Variants in SDC4 observed in about 807,000 individuals in gnomAD.
The protein encoded by SDC4 is syndecan 4, also known as syndecan-4.
SDC4 carries 17 observed loss-of-function variants against 20.5 expected under a neutral mutation model. The observed-to-expected ratio is 0.83, with a 90% confidence interval of 0.57 to 1.25. SDC4 has a LOEUF of 1.25. SDC4 is among the 50% of genes most tolerant of loss of function. The probability of loss-of-function intolerance (pLI) is 0.00; values close to 1 mark genes in which losing one functional copy is unlikely to be tolerated. For synonymous variants in SDC4, 107 were observed against 105.3 expected (o/e 1.02, Z -0.10); for missense variants, 241 against 252.3 (o/e 0.96, Z 0.30).
At chr20:45,343,902 G>A (rs1987992627) in intron 1 of SDC4, among the ~76,000 whole-genome samples, 1 of 152,250 alleles carries the variant, frequency 6.6e-6, no homozygotes, top group Admixed American at 6.5e-5. Flanking sequence ...TAACAGACCA[G>A]GAGGCTGGGG....
At chr20:45,332,288 T>C (rs1424578103) in intron 3 of SDC4, among the ~76,000 whole-genome samples, 2 of 151,942 alleles carry the variant, frequency 1.3e-5, no homozygotes, top group Non-Finnish European at 2.9e-5. Context: ...CCCAATCAAG[T>C]AGCTGGGACT....
At position 45,325,878 on chromosome 20, in the gene SDC4, T is replaced by C. The variant is rs1303322454; in HGVS notation, c.*1386A>G. Reference sequence around the variant, plus strand: ...AGCCGCATGTGGTTACTGTATTGGATAGCACAGCCCTAGAGCCTGAAGAAA... The same window carrying C: ...AGCCGCATGTGGTTACTGTATTGGACAGCACAGCCCTAGAGCCTGAAGAAA... On this transcript the variant is annotated 3_prime_UTR_variant, in exon 5 of 5. Transcript: ENST00000372733. 2 of 152,570 alleles carry C rather than the reference T, an allele frequency of 1.3e-5. No individual in the cohort carries two copies. Among genetic ancestry groups the C allele is most frequent in the African/African-American group, 2.4e-5 (1 of 41,406 alleles). The allele number at this position is 152,570 out of a possible 1,614,324, so 9.5% of individuals were successfully genotyped here.
intron 1 of SDC4, among the ~76,000 whole-genome samples, chr20:45,344,587 C>A (rs890615911): frequency 3.9e-5 from 6 of 152,224 alleles, no homozygotes; most frequent in Non-Finnish European, 8.8e-5. Flanking sequence ...AGCCTGGCTT[C>A]CCCAGCTCCT....
chr20:45,338,125 A>ATTCT (rs1307759739), intron 1 of SDC4, among the ~76,000 whole-genome samples: 2 of 152,178 alleles, frequency 1.3e-5, no homozygotes. Context: ...GACAGGCCTT[A>ATTCT]ACCAAGCACA....
chr20:45,328,926 C>G (rs1007336299), intron 4 of SDC4, among the ~76,000 whole-genome samples: 2 of 152,202 alleles, frequency 1.3e-5, no homozygotes, highest in Non-Finnish European at 2.9e-5. Flanking sequence ...CCAGTTCCTC[C>G]ACGAGGCCCT....
rs529812227 is a variant in SDC4, at chr20:45,335,962, G to A, written c.61-42C>T. The A allele has an allele frequency of 2.5e-6, 4 of 1,593,710 alleles. No individual in the cohort carries two copies. The South Asian group carries it at 4.4e-5, about 18-fold the overall frequency. Reference sequence around the variant, plus strand: ...AGACACATCAGCCAACATCCCCAGTGCTCCATGACAGCTGATGCCCAAAAG... The same window carrying A: ...AGACACATCAGCCAACATCCCCAGTACTCCATGACAGCTGATGCCCAAAAG... On this transcript the variant is annotated intron_variant, in intron 1 of 4. Coordinates refer to ENST00000372733, the MANE Select transcript of SDC4 (RefSeq NM_002999.4).
chr20:45,333,904 A>T (rs1987819736), intron 2 of SDC4, among the ~76,000 whole-genome samples: 1 of 152,054 alleles, frequency 6.6e-6, no homozygotes, highest in African/African-American at 2.4e-5. Context: ...ATTAAAGCTA[A>T]TATTTCACTT....
chr20:45,346,459 C>T (rs1339727154), intron 1 of SDC4, among the ~76,000 whole-genome samples: 1 of 152,224 alleles, frequency 6.6e-6, no homozygotes, highest in African/African-American at 2.4e-5. Flanking sequence ...CAAACTACAT[C>T]CTTCAGAATG....
intron 3 of SDC4, among the ~76,000 whole-genome samples, chr20:45,331,527 G>C (rs181230878): frequency 4.6e-5 from 7 of 152,204 alleles, no homozygotes; most frequent in South Asian, 2.1e-4. Flanking sequence ...AGCATCCTAC[G>C]TAACAGAATG....
At position 45,337,061 on chromosome 20, in the gene SDC4, A is replaced by G. The variant is rs6032123; in HGVS notation, c.61-1141T>C. 6.3e-3 allele frequency among the ~76,000 whole-genome samples: 954 copies of G among 152,234 alleles called. 8 individuals are homozygous for G. The highest frequency in any genetic ancestry group is 0.022 in the African/African-American group (909 of 41,546). On this transcript the variant is annotated intron_variant, in intron 1 of 4. Transcript: ENST00000372733. ...TCCACTCCCACCAAACCGCTTGCCAAAAGAAAGTGTCAAAGGTCCCGGGCA... is the reference window on the plus strand; with the variant it reads ...TCCACTCCCACCAAACCGCTTGCCAGAAGAAAGTGTCAAAGGTCCCGGGCA...
intron 2 of SDC4, among the ~76,000 whole-genome samples, chr20:45,333,527 C>T (rs532836721): frequency 5.9e-5 from 9 of 152,194 alleles, no homozygotes; most frequent in African/African-American, 1.9e-4. Context: ...AAATTATCCA[C>T]GGGTGATGGC....
intron 1 of SDC4, among the ~76,000 whole-genome samples, chr20:45,344,300 C>G (rs1385143045): frequency 4.8e-5 from 7 of 144,886 alleles, no homozygotes; most frequent in Admixed American, 2.8e-4. Context: ...TCCCCTCGAG[C>G]CCCGGACACT....
chr20:45,332,951 A>C lies in SDC4; in HGVS notation c.246+72T>G, dbSNP rs1312878082. ...CACTTATTCTGCCTATGGGGGCTGT[A>C]TTTTCTGCCTCTCCCAATAGGTCTG... On this transcript the variant is annotated intron_variant, in intron 3 of 4. Coordinates refer to ENST00000372733, the MANE Select transcript of SDC4 (RefSeq NM_002999.4). 21 of 1,425,804 alleles carry C rather than the reference A, an allele frequency of 1.5e-5. No individual in the cohort carries two copies. The Admixed American group carries it at 2.2e-4, about 15-fold the overall frequency. 88.3% of individuals were successfully genotyped at this position (1,425,804 alleles called of 1,614,324 possible). A position where few individuals can be genotyped will look rare whatever the true frequency, so the allele number is the denominator to read the frequency against.
At chr20:45,331,602 G>C (rs1263099210) in intron 3 of SDC4, among the ~76,000 whole-genome samples, 1 of 152,178 alleles carries the variant, frequency 6.6e-6, no homozygotes, top group Non-Finnish European at 1.5e-5. Flanking sequence ...TTGCAATAAA[G>C]AAGCTTGCCA....
chr20:45,347,419 C>T (rs1177001753), intron 1 of SDC4, among the ~76,000 whole-genome samples: 1 of 152,090 alleles, frequency 6.6e-6, no homozygotes, highest in Non-Finnish European at 1.5e-5. Context: ...CCTCCTAAGC[C>T]GGCTGCGGGC....
chr20:45,339,403 C>T (rs564512838), intron 1 of SDC4, among the ~76,000 whole-genome samples: 1 of 152,360 alleles, frequency 6.6e-6, no homozygotes, highest in South Asian at 2.1e-4. Flanking sequence ...TCTCTGGGCT[C>T]TCAAGTCTCC....
At chr20:45,329,672 C>CCCA (rs1425019940) in intron 4 of SDC4, among the ~76,000 whole-genome samples, 2 of 152,226 alleles carry the variant, frequency 1.3e-5, no homozygotes, top group African/African-American at 4.8e-5. Context: ...GCCCAGGGTG[C>CCCA]CCACTTGCCA....
chr20:45,337,949 C>A (rs187456482), intron 1 of SDC4, among the ~76,000 whole-genome samples: 54 of 152,318 alleles, frequency 3.5e-4, no homozygotes, highest in African/African-American at 1.2e-3. Flanking sequence ...AGCTGCCGGG[C>A]TGCTGGTGCT....
At chr20:45,331,002 T>C (rs1015125585) in intron 3 of SDC4, among the ~76,000 whole-genome samples, 3 of 152,230 alleles carry the variant, frequency 2.0e-5, no homozygotes, top group Non-Finnish European at 4.4e-5. Flanking sequence ...CATTCTTTTA[T>C]TCCTTTACTG....
Sources: gnomAD v4.1 joint callset for allele counts (sites outside exome capture counted in the v4.1 genomes callset) on GRCh38, gnomAD v4.1.1 for gene constraint, MANE v1.5 for transcripts, NCBI Gene and HGNC (gene_info 2026-07-23, HGNC 2026-07-21) for gene names.